The following ZNG1A variants were observed in gnomAD, a reference collection of about 807,000 sequenced individuals.
The protein encoded by ZNG1A is zinc-regulated GTPase metalloprotein activator 1A.
the ZNG1A span, among the ~76,000 whole-genome samples, chr9:136,953 G>C: frequency 6.7e-6 from 1 of 149,454 alleles, no homozygotes; most frequent in African/African-American, 2.5e-5. Flanking sequence ...GAGATGGGAG[G>C]ATCACTTGAG....
At chr9:144,484 G>A in the ZNG1A span, among the ~76,000 whole-genome samples, 1 of 151,984 alleles carries the variant, frequency 6.6e-6, no homozygotes, top group Non-Finnish European at 1.5e-5. Context: ...GGGAAAACTG[G>A]CTAGCCATAT....
At chr9:143,259 C>T in the ZNG1A span, among the ~76,000 whole-genome samples, 2 of 148,306 alleles carry the variant, frequency 1.3e-5, no homozygotes, top group African/African-American at 5.1e-5. Context: ...AATTTTAGAC[C>T]AATATCCTTG....
chr9:139,908 A>C, the ZNG1A span, among the ~76,000 whole-genome samples: 1 of 150,164 alleles, frequency 6.7e-6, no homozygotes, highest in Non-Finnish European at 1.5e-5. Flanking sequence ...GACAGACGGC[A>C]CCTGGAAGAT....
the ZNG1A span, among the ~76,000 whole-genome samples, chr9:128,865 G>A: frequency 5.3e-5 from 8 of 151,150 alleles, 1 homozygote; most frequent in East Asian, 1.6e-3. Context: ...CGTCCTACGG[G>A]GTGTTCCCTT....
At chr9:150,593 C>A in the ZNG1A span, 1 of 983,830 alleles carries the variant, frequency 1.0e-6, no homozygotes, top group Non-Finnish European at 1.2e-6. Context: ...CAAGGAAGTA[C>A]TATTTCAGAA....
At chr9:171,852 T>A in the ZNG1A span, 5 of 577,626 alleles carry the variant, frequency 8.7e-6, no homozygotes, top group Non-Finnish European at 9.2e-6. Flanking sequence ...AGTCAATCAA[T>A]AAAACTTCAA....
the ZNG1A span, chr9:147,248 A>C: frequency 1.4e-5 from 2 of 139,314 alleles, no homozygotes; most frequent in East Asian, 4.0e-4. Flanking sequence ...GTGAAGAAAT[A>C]TTTAAAGAAA....
the ZNG1A span, chr9:163,988 A>C: frequency 1.3e-6 from 2 of 1,598,336 alleles, no homozygotes; most frequent in East Asian, 2.2e-5. Context: ...CATCAAGATA[A>C]ATATCACTCC....
chr9:156,738 G>T, the ZNG1A span, among the ~76,000 whole-genome samples: 1 of 150,172 alleles, frequency 6.7e-6, no homozygotes, highest in Non-Finnish European at 1.5e-5. Context: ...AACCTGTGGG[G>T]TTTTATAGGG....
At chr9:151,759 C>T in the ZNG1A span, 4 of 324,382 alleles carry the variant, frequency 1.2e-5, no homozygotes, top group Non-Finnish European at 2.3e-5. Context: ...GTTACCCTCT[C>T]GAGTGTTTGG....
chr9:154,411 T>C, the ZNG1A span: 2 of 483,628 alleles, frequency 4.1e-6, no homozygotes, highest in African/African-American at 4.1e-5. Context: ...CTGGGTAAAG[T>C]TAGGGAAGAC....
the ZNG1A span, chr9:153,959 T>G: frequency 6.6e-6 from 1 of 152,284 alleles, no homozygotes; most frequent in African/African-American, 2.4e-5. Context: ...GTTCAGGTCT[T>G]ACAAAATAAT....
At chr9:140,782 G>A in the ZNG1A span, among the ~76,000 whole-genome samples, 1 of 150,218 alleles carries the variant, frequency 6.7e-6, no homozygotes, top group Non-Finnish European at 1.5e-5. Context: ...CAAAGAAGTT[G>A]AAAACTTTGA....
At chr9:162,801 T>C in the ZNG1A span, among the ~76,000 whole-genome samples, 2 of 150,752 alleles carry the variant, frequency 1.3e-5, no homozygotes, top group Admixed American at 6.6e-5. Flanking sequence ...TTTCATAACA[T>C]AGTCAAATGT....
the ZNG1A span, among the ~76,000 whole-genome samples, chr9:131,432 G>A: frequency 2.7e-5 from 4 of 150,226 alleles, no homozygotes; most frequent in Admixed American, 2.0e-4. Flanking sequence ...ACTTTTATAG[G>A]TTTTCTTCAT....
At chr9:154,778 T>C in the ZNG1A span, 2 of 1,590,232 alleles carry the variant, frequency 1.3e-6, no homozygotes, top group East Asian at 2.2e-5. Flanking sequence ...GAGAATGGCA[T>C]CTGCCAAAGC....
the ZNG1A span, chr9:146,932 C>G: frequency 2.6e-5 from 4 of 152,240 alleles, no homozygotes; most frequent in Admixed American, 6.5e-5. Flanking sequence ...TCCCAGCACT[C>G]TGGGAGGCCG....
the ZNG1A span, among the ~76,000 whole-genome samples, chr9:127,846 T>C: frequency 6.6e-6 from 1 of 152,392 alleles, no homozygotes; most frequent in East Asian, 1.9e-4. Flanking sequence ...CCAGGATTTG[T>C]TTCAAGATTT....
chr9:161,138 T>G, the ZNG1A span, among the ~76,000 whole-genome samples: 1 of 152,104 alleles, frequency 6.6e-6, no homozygotes, highest in South Asian at 2.1e-4. Flanking sequence ...GAGCATAATT[T>G]CAGCAAAGAT....
Sources: gnomAD v4.1 joint callset for allele counts (sites outside exome capture counted in the v4.1 genomes callset) on GRCh38, gnomAD v4.1.1 for gene constraint, MANE v1.5 for transcripts, NCBI Gene and HGNC (gene_info 2026-07-23, HGNC 2026-07-21) for gene names.